Variants in SYNM observed in about 807,000 individuals in gnomAD.
SYNM encodes the protein desmuslin.
A neutral mutation model predicts 104.0 loss-of-function variants in SYNM; 95 were observed. The observed-to-expected ratio is 0.91, with a 90% CI of 0.77 to 1.08. The LOEUF (loss-of-function observed/expected upper bound fraction) is 1.08, where lower values mean the gene tolerates loss of function less well. Ranked by LOEUF, SYNM falls within the 50% of genes least tolerant of loss-of-function variation. The pLI, the probability that SYNM is intolerant of heterozygous loss-of-function variation, is 0.00. For synonymous variants in SYNM, 918 were observed against 869.0 expected (o/e 1.06, Z -0.99); for missense variants, 2,150 against 2,052.2 (o/e 1.05, Z -0.92).
intron 2 of SYNM, among the ~76,000 whole-genome samples, chr15:99,125,350 C>T (rs2151806604): frequency 6.6e-6 from 1 of 152,338 alleles, no homozygotes; most frequent in African/African-American, 2.4e-5. Context: ...GTTCCTGGAA[C>T]CTACAATGCT....
intron 3 of SYNM, among the ~76,000 whole-genome samples, chr15:99,127,412 G>C (rs2067457588): frequency 6.6e-6 from 1 of 152,232 alleles, no homozygotes; most frequent in Non-Finnish European, 1.5e-5. Context: ...CTAAGAAACT[G>C]AGGGATAACT....
downstream of SYNM, chr15:99,136,843 C>T (rs2067631140): frequency 6.6e-6 from 1 of 152,296 alleles, no homozygotes; most frequent in Admixed American, 6.5e-5. Context: ...TCTGTGGGGT[C>T]AGCTGTCACG....
chr15:99,140,589 C>CA (rs2068115064), downstream of SYNM: 1 of 152,146 alleles, frequency 6.6e-6, no homozygotes, highest in Non-Finnish European at 1.5e-5. Context: ...AGGCTGGTCT[C>CA]AAACTCCTGA....
At chr15:99,139,367 C>A (rs200435817), downstream of SYNM, 3 of 1,613,992 alleles carry the variant, frequency 1.9e-6, no homozygotes, top group East Asian at 6.7e-5. Flanking sequence ...TTTTGTCCTG[C>A]GGTCCATATA....
Position 99,105,913 on chromosome 15 carries a change from G to C in SYNM, c.714G>C (p.Arg238=). Residue 238 remains arginine, a synonymous_variant, in exon 1 of 4, where the codon CGG becomes CGC. Coordinates refer to ENST00000336292, the MANE Select transcript of SYNM (RefSeq NM_145728.3). ...GCGCGCAGGAGGCAGAGGCGCTGCG[G>C]CGCGAGGCGCTCGGGTTGGAGCAGC... is the stretch of plus-strand genomic sequence containing the variant. The part of the protein sequence containing the change: ...RLCAQEAEAL[R]REALGLEQLR... The C allele has an allele frequency of 1.3e-6, 2 of 1,533,100 alleles. No homozygotes were observed. Among genetic ancestry groups the C allele is most frequent in the Non-Finnish European group, 1.7e-6 (2 of 1,144,574 alleles). 95.0% of individuals were successfully genotyped at this position (1,533,100 alleles called of 1,614,324 possible).
downstream of SYNM, chr15:99,138,177 C>A: frequency 6.2e-7 from 1 of 1,601,518 alleles, no homozygotes; most frequent in Non-Finnish European, 8.5e-7. Context: ...CAGCCCCCCA[C>A]ACCGTTCCCA....
chr15:99,105,396 G>C lies in SYNM; in HGVS notation c.197G>C (p.Ser66Thr), dbSNP rs1555482383. The part of the protein sequence containing the change: ...GQARCAEEAR[S>T]LRQQLDELSW... Reference sequence around the variant, plus strand: ...GCCCGCTGCGCCGAGGAGGCGCGCAGCTTGCGGCAGCAGCTGGACGAGCTG... The same window carrying C: ...GCCCGCTGCGCCGAGGAGGCGCGCACCTTGCGGCAGCAGCTGGACGAGCTG... The change falls in exon 1 of 4, where the codon AGC becomes ACC. Residue 66 changes from serine (S) to threonine (T), a missense_variant. Ser to Thr is a moderately conservative substitution (Grantham distance 58). Transcript: ENST00000336292. 2 of 1,510,818 alleles carry C rather than the reference G, an allele frequency of 1.3e-6. No individual in the cohort carries two copies. Among genetic ancestry groups the C allele is most frequent in the Admixed American group, 2.1e-5 (1 of 48,210 alleles). 93.6% of individuals were successfully genotyped at this position (1,510,818 alleles called of 1,614,324 possible). A position where few individuals can be genotyped will look rare whatever the true frequency, so the allele number is the denominator to read the frequency against.
chr15:99,111,346 C>T (rs2067298395), intron 1 of SYNM, among the ~76,000 whole-genome samples: 1 of 152,246 alleles, frequency 6.6e-6, no homozygotes, highest in Non-Finnish European at 1.5e-5. Flanking sequence ...GACACACATA[C>T]ATACATACAT....
intron 3 of SYNM, chr15:99,129,019 A>G: frequency 9.3e-6 from 2 of 215,430 alleles, no homozygotes; most frequent in East Asian, 1.1e-4. Context: ...TGATTTCAAA[A>G]TATAAGATTG....
intron 1 of SYNM, among the ~76,000 whole-genome samples, chr15:99,107,661 C>G (rs941397528): frequency 7.2e-5 from 11 of 152,320 alleles, no homozygotes; most frequent in Admixed American, 5.2e-4. Flanking sequence ...TTCAGTGGAA[C>G]TCGTAATGTG....
downstream of SYNM, chr15:99,139,499 G>A: frequency 6.4e-7 from 1 of 1,568,692 alleles, no homozygotes; most frequent in South Asian, 1.2e-5. Context: ...CTCATTCTTA[G>A]GCCCTGCTGT....
chr15:99,131,809 T>C lies in SYNM; in HGVS notation c.3449T>C (p.Val1150Ala). 6.2e-7 allele frequency: 1 copy of C among 1,613,678 alleles called. No homozygotes were observed. Among genetic ancestry groups the C allele is most frequent in the Non-Finnish European group, 8.5e-7 (1 of 1,179,828 alleles). ...MSYEGPTAEVVEVSAGGDLSQ... is the reference protein window; with the variant it reads ...MSYEGPTAEVAEVSAGGDLSQ... ...TATGAAGGACCCACTGCAGAAGTGG[T>C]GGAGGTAAGTGCGGGAGGTGACCTA... Residue 1150 changes from valine to alanine, a missense_variant, in exon 4 of 4, where the codon GTG (valine) becomes GCG (alanine). Transcript: ENST00000336292. This position sits in a 1 kb window ranked among gnomAD's most constrained non-coding sequence, Gnocchi z 4.3.
intron 1 of SYNM, among the ~76,000 whole-genome samples, chr15:99,110,782 G>C (rs2067293805): frequency 6.6e-6 from 1 of 152,202 alleles, no homozygotes; most frequent in Non-Finnish European, 1.5e-5. Context: ...TAGCAAAAAG[G>C]TGACCTCTCT....
At chr15:99,117,351 G>A (rs1193821434) in intron 2 of SYNM, among the ~76,000 whole-genome samples, 1 of 152,278 alleles carries the variant, frequency 6.6e-6, no homozygotes, top group East Asian at 1.9e-4. Context: ...CTGCCTCTGA[G>A]CCCATCACTG....
At position 99,132,117 on chromosome 15, in the gene SYNM, G is replaced by A. The variant is rs1033009318; in HGVS notation, c.3757G>A (p.Glu1253Lys). 9.9e-6 allele frequency: 16 copies of A among 1,614,026 alleles called. No individual in the cohort carries two copies. Among genetic ancestry groups the A allele is most frequent in the Non-Finnish European group, 1.4e-5 (16 of 1,179,900 alleles). The stretch of plus-strand genomic sequence containing the variant: ...GAAGGTTGGTGATTATTTTGCAACA[G>A]AAGAGTCAGTGGGTACCCAGACTTC... ...AGKVGDYFAT[E>K]ESVGTQTSVR... The change falls in exon 4 of 4, where the codon GAA (glutamate) becomes AAA (lysine). Residue 1253 changes from glutamate (E) to lysine (K), a missense_variant. Physicochemically the swap from Glu to Lys is moderately conservative, Grantham distance 56 (BLOSUM62 1). Coordinates refer to ENST00000336292, the MANE Select transcript of SYNM (RefSeq NM_145728.3).
At chr15:99,139,351 G>A, downstream of SYNM, 2 of 1,613,970 alleles carry the variant, frequency 1.2e-6, no homozygotes, top group South Asian at 1.1e-5. Context: ...TGGGTGGCCA[G>A]AGTCCTTTTG....
intron 1 of SYNM, among the ~76,000 whole-genome samples, chr15:99,111,302 G>A (rs1483516161): frequency 6.6e-6 from 1 of 152,138 alleles, no homozygotes; most frequent in Non-Finnish European, 1.5e-5. Flanking sequence ...TTTTTAATTT[G>A]TAATAGTTAT....
At chr15:99,115,191 C>T (rs1555483790) in intron 2 of SYNM, among the ~76,000 whole-genome samples, 2 of 152,162 alleles carry the variant, frequency 1.3e-5, no homozygotes, top group South Asian at 4.1e-4. Flanking sequence ...GATTGTGGAA[C>T]ATGTGGCAGT....
At position 99,132,569 on chromosome 15, in the gene SYNM, C is replaced by T; in HGVS notation, c.4209C>T (p.His1403=). 2 of 1,614,038 alleles carry T rather than the reference C, an allele frequency of 1.2e-6. No homozygotes were observed. Among genetic ancestry groups the T allele is most frequent in the Non-Finnish European group, 1.7e-6 (2 of 1,179,894 alleles). Residue 1403 remains histidine (H), a synonymous_variant, in exon 4 of 4, where the codon CAC becomes CAT. Coordinates refer to ENST00000336292, the MANE Select transcript of SYNM (RefSeq NM_145728.3). ...CGGGTGTTAGCAGATCCTTTAGGCA[C>T]ATTCGACTAGGTCCTACAGAAACGG... ...MTSGVSRSFR[H]IRLGPTETET... is the part of the protein sequence containing the mutation.
Sources: allele counts gnomAD v4.1 joint callset (sites outside exome capture counted in the v4.1 genomes callset), GRCh38; gene constraint gnomAD v4.1.1; non-coding constraint Gnocchi (gnomAD v3.1); transcripts MANE v1.5; gene names NCBI Gene and HGNC (gene_info 2026-07-23, HGNC 2026-07-21).